The following CMTM4 variants were observed in gnomAD, a reference collection of about 807,000 sequenced individuals.
CMTM4 encodes the protein CKLF like MARVEL transmembrane domain containing 4, also known as CKLF-like MARVEL transmembrane domain-containing protein 4.
In CMTM4, 8 loss-of-function variants were observed where a neutral mutation model predicts 19.0. That is an observed-to-expected ratio of 0.42 (90% CI 0.25 to 0.76). CMTM4 has a LOEUF of 0.76. CMTM4 is among the 30% of genes least tolerant of loss of function. CMTM4 has a pLI of 0.27. For synonymous variants in CMTM4, 106 were observed against 121.1 expected, an observed-to-expected ratio of 0.88 and a Z score of 0.82; for missense variants, 228 against 290.2, an observed-to-expected ratio of 0.79 and a Z score of 1.56.
At chr16:66,667,548 C>T (rs1044335322) in intron 1 of CMTM4, among the ~76,000 whole-genome samples, 1 of 152,064 alleles carries the variant, frequency 6.6e-6, no homozygotes. Flanking sequence ...ATATCAGCTT[C>T]CCTTACATTA....
chr16:66,634,166 G>A (rs987374269), intron 2 of CMTM4, among the ~76,000 whole-genome samples: 1 of 152,158 alleles, frequency 6.6e-6, no homozygotes, highest in South Asian at 2.1e-4. Flanking sequence ...TGGGCTGGGT[G>A]TGGTGGCTCA....
intron 1 of CMTM4, among the ~76,000 whole-genome samples, chr16:66,679,470 A>AC (rs1364450939): frequency 2.0e-5 from 3 of 151,406 alleles, no homozygotes; most frequent in Non-Finnish European, 2.9e-5. Flanking sequence ...GAGGCTGGAG[A>AC]CCCCCCCAGG....
the CMTM4 span, among the ~76,000 whole-genome samples, chr16:66,600,485 C>A: frequency 1.3e-5 from 2 of 152,124 alleles, no homozygotes; most frequent in African/African-American, 4.8e-5. Context: ...AACCAGATTT[C>A]TCTCTGTTAG....
At chr16:66,678,067 A>G (rs1377929593) in intron 1 of CMTM4, among the ~76,000 whole-genome samples, 1 of 152,060 alleles carries the variant, frequency 6.6e-6, no homozygotes, top group Non-Finnish European at 1.5e-5. Context: ...ACTCCCAGCT[A>G]CTCAGCAAAC....
chr16:66,675,936 G>A, intron 1 of CMTM4, among the ~76,000 whole-genome samples: 1 of 151,742 alleles, frequency 6.6e-6, no homozygotes, highest in East Asian at 1.9e-4. Context: ...ATCATAGCTT[G>A]TAACCTCGTA....
the CMTM4 span, among the ~76,000 whole-genome samples, chr16:66,601,083 T>TTG: frequency 5.3e-3 from 777 of 146,774 alleles, 9 homozygotes; most frequent in Middle Eastern, 0.021. Flanking sequence ...CTCCCATGGT[T>TTG]TGTGTGTGTG....
chr16:66,613,858 A>G (rs1032193519), downstream of CMTM4: 2 of 152,226 alleles, frequency 1.3e-5, no homozygotes, highest in South Asian at 2.1e-4. Context: ...TTTCAGTTTT[A>G]GCAAAAATAC....
At chr16:66,607,599 G>A in the CMTM4 span, among the ~76,000 whole-genome samples, 1 of 152,164 alleles carries the variant, frequency 6.6e-6, no homozygotes, top group Non-Finnish European at 1.5e-5. Context: ...TCTTTTCAAG[G>A]TGAAATCTAC....
chr16:66,691,242 G>A (rs1055067791), intron 1 of CMTM4, among the ~76,000 whole-genome samples: 7 of 152,146 alleles, frequency 4.6e-5, no homozygotes, highest in African/African-American at 7.2e-5. Context: ...GGTGGCTCAC[G>A]CCTGTAATCC....
chr16:66,607,817 G>A, the CMTM4 span, among the ~76,000 whole-genome samples: 1 of 151,846 alleles, frequency 6.6e-6, no homozygotes, highest in African/African-American at 2.4e-5. Context: ...GCATAGGTGT[G>A]AGCCTGGGCC....
At chr16:66,660,036 A>G (rs567501586) in intron 1 of CMTM4, among the ~76,000 whole-genome samples, 2 of 152,362 alleles carry the variant, frequency 1.3e-5, no homozygotes, top group African/African-American at 4.8e-5. Flanking sequence ...AGATATATAG[A>G]TGGCAAACAA....
intron 1 of CMTM4, among the ~76,000 whole-genome samples, chr16:66,654,479 C>T (rs1211091671): frequency 1.3e-5 from 2 of 152,202 alleles, no homozygotes; most frequent in African/African-American, 4.8e-5. Context: ...CAAATTCACC[C>T]TTCTAGTCTG....
chr16:66,686,129 T>C (rs1361727970), intron 1 of CMTM4, among the ~76,000 whole-genome samples: 1 of 151,920 alleles, frequency 6.6e-6, no homozygotes, highest in African/African-American at 2.4e-5. Flanking sequence ...GGCACGCGCC[T>C]GTAGTCCCAG....
downstream of CMTM4, among the ~76,000 whole-genome samples, chr16:66,614,539 T>C (rs1006893135): frequency 1.3e-5 from 2 of 152,206 alleles, no homozygotes; most frequent in East Asian, 1.9e-4. This position sits in a 1 kb window ranked among gnomAD's most constrained non-coding sequence, Gnocchi z 4.9. Context: ...GTAAGAAAGC[T>C]GGGTGTGCAG....
intron 1 of CMTM4, among the ~76,000 whole-genome samples, chr16:66,639,778 A>AAGG: frequency 6.6e-6 from 1 of 151,718 alleles, no homozygotes; most frequent in South Asian, 2.1e-4. Flanking sequence ...AGCACATCAA[A>AAGG]AGGCTGAGGT....
At position 66,617,070 on chromosome 16, in the gene CMTM4, CTT is replaced by C. The variant is rs2015539233; in HGVS notation, c.*4986_*4987del. On this transcript the variant is annotated 3_prime_UTR_variant, in exon 4 of 4. Transcript: ENST00000394106. ...ATATGTTCTTACTCCTAAACTCAAA[CTT>C]TAAAAGTTTCAATAGCTCCCTGGGG... 2.1e-6 allele frequency: 1 copy of C among 467,796 alleles called. No homozygotes were observed. The highest frequency in any genetic ancestry group is 3.8e-6 in the Non-Finnish European group (1 of 265,868). The allele number at this position is 467,796 out of a possible 1,614,324, so 29.0% of individuals were successfully genotyped here.
chr16:66,665,871 C>G (rs1408594949), intron 1 of CMTM4, among the ~76,000 whole-genome samples: 1 of 150,806 alleles, frequency 6.6e-6, no homozygotes, highest in Non-Finnish European at 1.5e-5. Context: ...GAGTTCGAGA[C>G]CAGCCTGGCC....
chr16:66,683,171 A>ATATG (rs1567432188), intron 1 of CMTM4, among the ~76,000 whole-genome samples: 1 of 86,000 alleles, frequency 1.2e-5, no homozygotes, highest in Admixed American at 1.6e-4. Flanking sequence ...GTATATATAT[A>ATATG]TATACATATG....
At chr16:66,608,337 A>C in the CMTM4 span, 1 of 1,614,174 alleles carries the variant, frequency 6.2e-7, no homozygotes, top group Non-Finnish European at 8.5e-7. This position sits in a 1 kb window ranked among gnomAD's most constrained non-coding sequence, Gnocchi z 5.1. Flanking sequence ...TTTATCTGCT[A>C]TGTGGCGTCC....
Sources: gnomAD v4.1 joint callset for allele counts (sites outside exome capture counted in the v4.1 genomes callset) on GRCh38, gnomAD v4.1.1 for gene constraint, Gnocchi (gnomAD v3.1) non-coding constraint, MANE v1.5 for transcripts, NCBI Gene and HGNC (gene_info 2026-07-23, HGNC 2026-07-21) for gene names.